Variants in JAG1 observed in about 807,000 individuals in gnomAD.
JAG1 encodes jagged canonical Notch ligand 1.
In JAG1, 23 loss-of-function variants were observed where a neutral mutation model predicts 148.7. The ratio of observed to expected loss-of-function variants is 0.15; its 90% CI spans 0.11 to 0.22. The LOEUF is 0.22. Ranked by LOEUF, JAG1 falls within the 10% of genes least tolerant of loss-of-function variation. JAG1 has a pLI of 1.00. For missense variants in JAG1, 1,054 were observed against 1,611.2 expected (o/e 0.65, Z 5.92); for synonymous variants, 572 against 598.3 (o/e 0.96, Z 0.64).
chr20:10,649,025 T>C lies in JAG1; in HGVS notation c.1395+36A>G, dbSNP rs375204956. ...CACAAATCTAAAGATTTGTTGTCAATTGTCAAAGTTTTGATTTAAGCAAAG... is the reference window on the plus strand; with the variant it reads ...CACAAATCTAAAGATTTGTTGTCAACTGTCAAAGTTTTGATTTAAGCAAAG... On this transcript the variant is annotated intron_variant, in intron 11 of 25. Coordinates refer to ENST00000254958, the MANE Select transcript of JAG1 (RefSeq NM_000214.3). 683 of 1,531,012 alleles carry C rather than the reference T, an allele frequency of 4.5e-4. 2 individuals are homozygous for C. The highest frequency in any genetic ancestry group is 8.8e-4 in the Admixed American group (53 of 59,892). 94.8% of individuals were successfully genotyped at this position (1,531,012 alleles called of 1,614,324 possible).
chr20:10,648,268 C>G (rs934499756), intron 12 of JAG1, among the ~76,000 whole-genome samples, 158 bp from the exon 13 acceptor site: 10 of 152,008 alleles, frequency 6.6e-5, no homozygotes, highest in African/African-American at 2.4e-4. Context: ...TAGGGACTGC[C>G]AATGTCCAGT....
intron 2 of JAG1, among the ~76,000 whole-genome samples, chr20:10,668,654 C>T (rs1219920180): frequency 2.0e-5 from 3 of 151,376 alleles, no homozygotes; most frequent in Non-Finnish European, 4.4e-5. Context: ...GTGAAGGCTC[C>T]TTGTTACCTT....
Position 10,647,943 on chromosome 20 carries a change from C to G in JAG1, c.1720+17G>C, listed in dbSNP as rs371096301. 6.2e-7 allele frequency: 1 copy of G among 1,613,598 alleles called. No homozygotes were observed. Among genetic ancestry groups the G allele is most frequent in the African/African-American group, 1.3e-5 (1 of 74,900 alleles). ...AGCAAGTCTGGAGACAGCCAGGTCC[C>G]GGGAGAAGGGAGGTACCTTCACAGG... is the stretch of plus-strand genomic sequence containing the variant. On this transcript the variant is annotated intron_variant, in intron 13 of 25. Transcript: ENST00000254958.
At chr20:10,667,005 C>T (rs551656501) in intron 2 of JAG1, among the ~76,000 whole-genome samples, 1 of 152,314 alleles carries the variant, frequency 6.6e-6, no homozygotes, top group South Asian at 2.1e-4. Context: ...TGGCACTGGG[C>T]AGAGCGGTAA....
At chr20:10,671,690 ACAG>A (rs1473404723) in intron 2 of JAG1, among the ~76,000 whole-genome samples, 2 of 152,084 alleles carry the variant, frequency 1.3e-5, no homozygotes. Flanking sequence ...TGCCTCCTGG[ACAG>A]CAGGAGCCAG....
chr20:10,640,756 C>A, intron 25 of JAG1, 27 bp downstream of exon 25: 1 of 1,612,428 alleles, frequency 6.2e-7, no homozygotes, highest in Non-Finnish European at 8.5e-7. Context: ...ACTATCATCA[C>A]ACAAACTAGT....
At chr20:10,661,332 C>G (rs139321828) in intron 3 of JAG1, among the ~76,000 whole-genome samples, 65 of 152,264 alleles carry the variant, frequency 4.3e-4, no homozygotes, top group African/African-American at 1.4e-3. Flanking sequence ...TCGCTTGGGT[C>G]CCACAGGGCA....
intron 18 of JAG1, chr20:10,644,647 A>G: frequency 1.6e-6 from 1 of 641,408 alleles, no homozygotes; most frequent in Admixed American, 2.3e-5. Context: ...TCAGACCCAG[A>G]GCTGGGAACT....
chr20:10,639,490 G>C lies in JAG1; in HGVS notation c.*8C>G. The C allele has an allele frequency of 1.2e-6, 2 of 1,612,930 alleles. No individual in the cohort carries two copies. The highest frequency in any genetic ancestry group is 1.3e-5 in the African/African-American group (1 of 75,016). On this transcript the variant is annotated 3_prime_UTR_variant, in exon 26 of 26. Coordinates refer to ENST00000254958, the MANE Select transcript of JAG1 (RefSeq NM_000214.3). ...ACTCTACCTAGCGGCGGCAGTGCCC[G>C]CGGTCTGCTATACGATGTACTCCAT... is the stretch of plus-strand genomic sequence containing the variant.
intron 21 of JAG1, 52 bp downstream of exon 21, chr20:10,642,436 A>G: frequency 9.4e-7 from 1 of 1,066,420 alleles, no homozygotes; most frequent in Non-Finnish European, 1.5e-6. Context: ...GGTGACTGCA[A>G]AGCTCGCTCA....
In JAG1 at chr20:10,639,986, T is replaced by C. The variant is rs778301467; in HGVS notation, c.3200-31A>G. ...AGGCAGGCACAAAACCAATTAACTC[T>C]CCAAGAAAGAAAGAAAAAAGCATCA... is the stretch of plus-strand genomic sequence containing the variant. On this transcript the variant is annotated intron_variant, in intron 25 of 25. Coordinates refer to ENST00000254958, the MANE Select transcript of JAG1 (RefSeq NM_000214.3). 4 of 1,531,864 alleles carry C rather than the reference T, an allele frequency of 2.6e-6. No individual in the cohort carries two copies. The South Asian group carries it at 4.5e-5, about 17-fold the overall frequency. The allele number at this position is 1,531,864 out of a possible 1,614,324, so 94.9% of individuals were successfully genotyped here.
chr20:10,643,871 A>G lies in JAG1; in HGVS notation c.2373-8T>C. 1.2e-6 allele frequency: 2 copies of G among 1,611,464 alleles called. No homozygotes were observed. Among genetic ancestry groups the G allele is most frequent in the Non-Finnish European group, 1.7e-6 (2 of 1,177,856 alleles). On this transcript the variant is annotated splice_polypyrimidine_tract_variant and splice_region_variant and intron_variant, in intron 19 of 25. Transcript: ENST00000254958. ...CAGGTGCCGCTGTTGTAACTAAGAA[A>G]GCAAAGACCACCTTGGTTACCAACC...
At position 10,647,002 on chromosome 20, in the gene JAG1, G is replaced by C. The variant is rs979265484; in HGVS notation, c.1822C>G (p.Gln608Glu). The change falls in exon 14 of 26, where the codon CAG (glutamine) becomes GAG (glutamate). Residue 608 changes from glutamine (Q) to glutamate (E), a missense_variant. Transcript: ENST00000254958. ...VCGPHGKCKS[Q>E]SGGKFTCDCN... is the part of the protein sequence containing the mutation. Reference sequence around the variant, plus strand: ...TCACAGGTGAATTTGCCTCCCGACTGACTCTTGCACTTCCCGTGAGGACCA... The same window carrying C: ...TCACAGGTGAATTTGCCTCCCGACTCACTCTTGCACTTCCCGTGAGGACCA... 6.2e-7 allele frequency: 1 copy of C among 1,614,032 alleles called. No individual in the cohort carries two copies. Among genetic ancestry groups the C allele is most frequent in the African/African-American group, 1.3e-5 (1 of 74,926 alleles).
At chr20:10,672,050 G>A (rs1400148963) in intron 2 of JAG1, among the ~76,000 whole-genome samples, 1 of 152,102 alleles carries the variant, frequency 6.6e-6, no homozygotes, top group Non-Finnish European at 1.5e-5. Context: ...TCGGGGGCGG[G>A]GGCAGGAAGG....
At chr20:10,653,666 C>T (rs1286624856) in intron 5 of JAG1, among the ~76,000 whole-genome samples, 2 of 151,978 alleles carry the variant, frequency 1.3e-5, no homozygotes, top group Non-Finnish European at 2.9e-5. Context: ...GCGCCAACCC[C>T]CTAAGCTGCT....
chr20:10,671,556 G>A (rs996322028), intron 2 of JAG1, among the ~76,000 whole-genome samples: 3 of 152,096 alleles, frequency 2.0e-5, no homozygotes, highest in East Asian at 1.9e-4. Context: ...CGGACAGGAG[G>A]CAGCAGAGTG....
At position 10,645,878 on chromosome 20, in the gene JAG1, T is replaced by C. The variant is rs898927625; in HGVS notation, c.1999+93A>G. On this transcript the variant is annotated intron_variant, in intron 15 of 25. Transcript: ENST00000254958. This position sits in a 1 kb window ranked among gnomAD's most constrained non-coding sequence, Gnocchi z 6.1. The stretch of plus-strand genomic sequence containing the variant: ...ATCACTGCGGTCTTGCTTCCAGAGA[T>C]TTCCAGTACAAAGAAAGTTTTCCCA... 8 of 889,406 alleles carry C rather than the reference T, an allele frequency of 9.0e-6. No individual in the cohort carries two copies. Among genetic ancestry groups the C allele is most frequent in the Non-Finnish European group, 1.5e-5 (8 of 521,426 alleles). The allele number at this position is 889,406 out of a possible 1,614,324, so 55.1% of individuals were successfully genotyped here. A position where few individuals can be genotyped will look rare whatever the true frequency, so the allele number is the denominator to read the frequency against.
chr20:10,643,608 G>A (rs1354812607), intron 20 of JAG1, among the ~76,000 whole-genome samples, 170 bp downstream of exon 20: 1 of 152,170 alleles, frequency 6.6e-6, no homozygotes, highest in African/African-American at 2.4e-5. Context: ...AGGTACCTGG[G>A]AGGATCCAGC....
Position 10,659,559 on chromosome 20 carries a change from CTTTTTTTTT to C in JAG1, c.440-846_440-838del, listed in dbSNP as rs35826283. Among the ~76,000 whole-genome samples, 189 of 105,158 alleles carry C rather than the reference CTTTTTTTTT, an allele frequency of 1.8e-3. 8 individuals are homozygous for C. The highest frequency in any genetic ancestry group is 0.013 in the East Asian group (41 of 3,194). 69.0% of individuals were successfully genotyped at this position (105,158 alleles called of 152,430 possible). A position where few individuals can be genotyped will look rare whatever the true frequency, so the allele number is the denominator to read the frequency against. On this transcript the variant is annotated intron_variant, in intron 3 of 25. Coordinates refer to ENST00000254958, the MANE Select transcript of JAG1 (RefSeq NM_000214.3). ...GGAAGCCAAGGAGACGATTAAGTTACTTTTTTTTTTTTTTTTTTTTTTTTTTTTACAATT... is the reference window on the plus strand; with the variant it reads ...GGAAGCCAAGGAGACGATTAAGTTACTTTTTTTTTTTTTTTTTTTACAATT...
Sources: allele counts gnomAD v4.1 joint callset (sites outside exome capture counted in the v4.1 genomes callset), GRCh38; gene constraint gnomAD v4.1.1; non-coding constraint Gnocchi (gnomAD v3.1); transcripts MANE v1.5; gene names NCBI Gene and HGNC (gene_info 2026-07-23, HGNC 2026-07-21).